Variants in GABRA3 observed in about 807,000 individuals in gnomAD.
GABRA3 encodes gamma-aminobutyric acid type A receptor subunit alpha3, also known as gamma-aminobutyric acid receptor subunit alpha-3.
Under a neutral mutation model 30.1 loss-of-function variants are expected in GABRA3, and 10 were observed. The observed-to-expected ratio is 0.33, with a 90% CI of 0.20 to 0.56. The LOEUF (loss-of-function observed/expected upper bound fraction) is 0.56, where lower values mean the gene tolerates loss of function less well. Ranked by LOEUF, GABRA3 falls within the 20% of genes least tolerant of loss-of-function variation. The probability of loss-of-function intolerance (pLI) is 0.89; values close to 1 mark genes in which losing one functional copy is unlikely to be tolerated. For synonymous variants in GABRA3, 151 were observed against 146.8 expected (o/e 1.03, Z -0.21); for missense variants, 233 against 392.0 (o/e 0.59, Z 3.42).
intron 5 of GABRA3, among the ~76,000 whole-genome samples, chrX:152,229,747 T>C (rs950101602): frequency 9.0e-6 from 1 of 110,807 alleles, no homozygotes; most frequent in Non-Finnish European, 1.9e-5. Flanking sequence ...TATTTTTGCT[T>C]TCACTATGAG....
At position 152,423,090 on chromosome X, in the gene GABRA3, C is replaced by G. The variant is rs911283698; in HGVS notation, c.-27+28056G>C. On this transcript the variant is annotated intron_variant, in intron 1 of 9. Transcript: ENST00000370314. Reference sequence around the variant, plus strand: ...TGAAAAATGCTATGAGAAGATATTTCATCTAATAATGAACAACAAATACTA... The same window carrying G: ...TGAAAAATGCTATGAGAAGATATTTGATCTAATAATGAACAACAAATACTA... Among the ~76,000 whole-genome samples, 4 of 111,635 alleles carry G rather than the reference C, an allele frequency of 3.6e-5. No homozygotes were observed. In the Admixed American group the frequency reaches 3.8e-4, roughly 11 times the overall value.
chrX:152,260,318 C>A (rs1938708230), intron 4 of GABRA3, among the ~76,000 whole-genome samples: 1 of 111,621 alleles, frequency 9.0e-6, no homozygotes, highest in Non-Finnish European at 1.9e-5. Flanking sequence ...TTCACCACCC[C>A]AAATGGAAGG....
intron 9 of GABRA3, among the ~76,000 whole-genome samples, chrX:152,178,130 G>GTA (rs759430312): frequency 2.0e-4 from 22 of 111,476 alleles, no homozygotes; most frequent in Non-Finnish European, 3.2e-4. Flanking sequence ...GTATATGTGT[G>GTA]TATATATATA....
chrX:152,319,623 T>C (rs1816035330), intron 3 of GABRA3, among the ~76,000 whole-genome samples: 1 of 111,550 alleles, frequency 9.0e-6, no homozygotes, highest in African/African-American at 3.3e-5. Flanking sequence ...ACTACAAAAA[T>C]TCTGAAAGAT....
intron 6 of GABRA3, among the ~76,000 whole-genome samples, chrX:152,214,102 G>T (rs750528254): frequency 9.0e-6 from 1 of 110,752 alleles, no homozygotes; most frequent in Admixed American, 9.6e-5. Flanking sequence ...GGAATCTCCA[G>T]TGTGTATTAT....
chrX:152,202,455 G>T (rs1330334097), intron 7 of GABRA3, among the ~76,000 whole-genome samples: 1 of 111,159 alleles, frequency 9.0e-6, no homozygotes, highest in East Asian at 2.8e-4. Flanking sequence ...CTTCCTTTAG[G>T]TAACTACAAT....
chrX:152,316,598 G>A (rs900566123), intron 3 of GABRA3, among the ~76,000 whole-genome samples: 2 of 111,717 alleles, frequency 1.8e-5, no homozygotes, highest in Non-Finnish European at 3.8e-5. Context: ...AATCTTAAGA[G>A]CTGTGAGGCA....
chrX:152,175,808 T>C lies in GABRA3; in HGVS notation c.1144-7245A>G, dbSNP rs775770055. Among the ~76,000 whole-genome samples, 6 of 111,209 alleles carry C rather than the reference T, an allele frequency of 5.4e-5. No homozygotes were observed. The South Asian group carries it at 2.3e-3, about 42-fold the overall frequency. ...GGCTGGGCACGGTGCCTCACGCCTG[T>C]AATCCCAGCACTTTGGGAGGCCAAG... On this transcript the variant is annotated intron_variant, in intron 9 of 9. Coordinates refer to ENST00000370314, the MANE Select transcript of GABRA3 (RefSeq NM_000808.4).
At position 152,301,786 on chromosome X, in the gene GABRA3, C is replaced by T. The variant is rs757117658; in HGVS notation, c.263-17051G>A. 2.7e-5 allele frequency among the ~76,000 whole-genome samples: 3 copies of T among 111,379 alleles called. No homozygotes were observed. The East Asian group carries it at 8.5e-4, about 32-fold the overall frequency. ...TGACCTCATGATCTGCCCACCTCAG[C>T]CTCCCAAAAAGCTGGGATTACAAGT... On this transcript the variant is annotated intron_variant, in intron 3 of 9. Transcript: ENST00000370314.
chrX:152,244,873 T>C (rs1938437879), intron 5 of GABRA3, among the ~76,000 whole-genome samples: 1 of 110,967 alleles, frequency 9.0e-6, no homozygotes. Context: ...AATGAAAGAG[T>C]CACCTAAATT....
At chrX:152,391,022 T>C (rs745974750) in intron 1 of GABRA3, among the ~76,000 whole-genome samples, 4 of 111,553 alleles carry the variant, frequency 3.6e-5, no homozygotes, top group African/African-American at 6.5e-5. Flanking sequence ...ATAATTCCTG[T>C]TGCATAAATA....
intron 1 of GABRA3, among the ~76,000 whole-genome samples, chrX:152,423,857 G>A (rs1476742022): frequency 9.0e-6 from 1 of 110,791 alleles, no homozygotes; most frequent in African/African-American, 3.3e-5. Flanking sequence ...TATACAAATG[G>A]ATAACAAATG....
At chrX:152,381,465 T>C (rs1229856099) in intron 1 of GABRA3, among the ~76,000 whole-genome samples, 1 of 112,005 alleles carries the variant, frequency 8.9e-6, no homozygotes, top group Non-Finnish European at 1.9e-5. Context: ...TAACCTCTTA[T>C]CAGATGCATG....
intron 9 of GABRA3, among the ~76,000 whole-genome samples, chrX:152,169,005 A>G (rs1936971007): frequency 8.9e-6 from 1 of 112,177 alleles, no homozygotes. Flanking sequence ...GATTACTCCC[A>G]TTTGACAGAT....
At chrX:152,206,928 A>G (rs778726574) in intron 7 of GABRA3, among the ~76,000 whole-genome samples, 129 of 110,292 alleles carry the variant, frequency 1.2e-3, no homozygotes, top group African/African-American at 2.8e-3. Flanking sequence ...TCTCTTCTGC[A>G]TCTTACTCTG....
chrX:152,376,941 G>A (rs1447635076), intron 1 of GABRA3, among the ~76,000 whole-genome samples: 1 of 111,546 alleles, frequency 9.0e-6, no homozygotes, highest in Non-Finnish European at 1.9e-5. Context: ...AGAAAACAGT[G>A]GGTGGAAGGA....
intron 1 of GABRA3, among the ~76,000 whole-genome samples, chrX:152,440,562 G>A (rs1407493862): frequency 3.6e-5 from 4 of 112,098 alleles, no homozygotes; most frequent in African/African-American, 6.5e-5. Flanking sequence ...ATAAAGACAC[G>A]TGTACATCTA....
chrX:152,438,810 G>C (rs1930843979), intron 1 of GABRA3, among the ~76,000 whole-genome samples: 1 of 111,602 alleles, frequency 9.0e-6, no homozygotes, highest in African/African-American at 3.3e-5. Flanking sequence ...GGTTGCTAGA[G>C]GTTCAGGCTG....
At chrX:152,235,697 G>A (rs1463558392) in intron 5 of GABRA3, among the ~76,000 whole-genome samples, 1 of 111,665 alleles carries the variant, frequency 9.0e-6, no homozygotes. Flanking sequence ...AAACGTTGAT[G>A]AAAGAAATTG....
Sources: allele counts gnomAD v4.1 joint callset (sites outside exome capture counted in the v4.1 genomes callset), GRCh38; gene constraint gnomAD v4.1.1; transcripts MANE v1.5; gene names NCBI Gene and HGNC (gene_info 2026-07-23, HGNC 2026-07-21).